The following CSRNP2 variants were observed in gnomAD, a reference collection of about 807,000 sequenced individuals.
CSRNP2 encodes the protein cysteine/serine-rich nuclear protein 2.
CSRNP2 carries 11 observed loss-of-function variants against 36.6 expected under a neutral mutation model. The observed-to-expected ratio is 0.30, with a 90% confidence interval of 0.19 to 0.50. CSRNP2 has a LOEUF of 0.50. Ranked by LOEUF, CSRNP2 falls within the 20% of genes least tolerant of loss-of-function variation. The pLI, the probability that CSRNP2 is intolerant of heterozygous loss-of-function variation, is 0.98. For synonymous variants in CSRNP2, 248 were observed against 275.3 expected (o/e 0.90, Z 0.98); for missense variants, 483 against 691.4 (o/e 0.70, Z 3.38).
Position 51,064,522 on chromosome 12 carries a change from G to C in CSRNP2, c.856C>G (p.Arg286Gly). The C allele has an allele frequency of 6.2e-7, 1 of 1,613,288 alleles. No individual in the cohort carries two copies. The highest frequency in any genetic ancestry group is 1.1e-5 in the South Asian group (1 of 90,966). Reference protein sequence around the residue: ...LELESKRQVSRPAAPDEEPSP... With the variant: ...LELESKRQVSGPAAPDEEPSP... ...GGCTCCTCATCTGGGGCTGCTGGGC[G>C]GCTCACCTGCCGCTTGCTCTCCAGC... The change falls in exon 5 of 5, where the codon CGC becomes GGC. Residue 286 changes from arginine to glycine, a missense_variant. Around this residue, in one of 2 missense-constraint regions of CSRNP2, gnomAD observed 277 missense variants for 323.6 expected, o/e 0.86. Transcript: ENST00000228515.
chr12:51,075,906 C>T (rs990422107), intron 2 of CSRNP2, among the ~76,000 whole-genome samples: 18 of 152,090 alleles, frequency 1.2e-4, no homozygotes, highest in Non-Finnish European at 1.3e-4. Context: ...AAAAATTAGG[C>T]GGGCGTGGTG....
chr12:51,068,884 G>A (rs1202641717), intron 3 of CSRNP2, among the ~76,000 whole-genome samples: 1 of 152,180 alleles, frequency 6.6e-6, no homozygotes, highest in Non-Finnish European at 1.5e-5. Flanking sequence ...ATGCACTAAA[G>A]AGCTTCATTC....
At position 51,063,738 on chromosome 12, in the gene CSRNP2, A is replaced by T; in HGVS notation, c.*8T>A. On this transcript the variant is annotated 3_prime_UTR_variant, in exon 5 of 5. Coordinates refer to ENST00000228515, the MANE Select transcript of CSRNP2 (RefSeq NM_030809.3). ...AGAATGGGTAAGAGGCAGGACCTCTAGCGCCTGTCACACTGCCAGAGGGAG... is the reference window on the plus strand; with the variant it reads ...AGAATGGGTAAGAGGCAGGACCTCTTGCGCCTGTCACACTGCCAGAGGGAG... The T allele has an allele frequency of 6.5e-7, 1 of 1,529,740 alleles. No individual in the cohort carries two copies. 94.8% of individuals were successfully genotyped at this position (1,529,740 alleles called of 1,614,324 possible). A position where few individuals can be genotyped will look rare whatever the true frequency, so the allele number is the denominator to read the frequency against.
chr12:51,066,158 A>G (rs1488629711), intron 4 of CSRNP2, among the ~76,000 whole-genome samples: 3 of 152,046 alleles, frequency 2.0e-5, no homozygotes, highest in Non-Finnish European at 2.9e-5. Context: ...TGTCTCTACT[A>G]AAAATACAAA....
At chr12:51,074,551 T>C (rs1017722436) in intron 2 of CSRNP2, among the ~76,000 whole-genome samples, 23 of 152,154 alleles carry the variant, frequency 1.5e-4, no homozygotes, top group South Asian at 4.1e-4. Flanking sequence ...AAATCCTAAA[T>C]GCTCTGTCAG....
In CSRNP2 at chr12:51,080,542, C is replaced by T. The variant is rs564872633; in HGVS notation, c.-87+2797G>A. 2.0e-4 allele frequency among the ~76,000 whole-genome samples: 31 copies of T among 152,274 alleles called. 1 individual carries two copies. The East Asian group carries it at 5.0e-3, about 25-fold the overall frequency. ...AAGAAAGAAGGAAAAAGATGTGACA[C>T]CTAGGAGAAAAGTATTTTCCTTAAG... On this transcript the variant is annotated intron_variant, in intron 1 of 4. Coordinates refer to ENST00000228515, the MANE Select transcript of CSRNP2 (RefSeq NM_030809.3).
At position 51,067,651 on chromosome 12, in the gene CSRNP2, T is replaced by C; in HGVS notation, c.708+22A>G. On this transcript the variant is annotated intron_variant, in intron 4 of 4. Transcript: ENST00000228515. The surrounding 1 kb of genome is among the most constrained non-coding windows in gnomAD (Gnocchi z 4.1). ...CGCTGACCCTGGTGTAGATATACTA[T>C]CTCAGGCCAACTTGGACTGACCTGG... 1 of 1,607,104 alleles carries C rather than the reference T, an allele frequency of 6.2e-7. No homozygotes were observed. Among genetic ancestry groups the C allele is most frequent in the Non-Finnish European group, 8.5e-7 (1 of 1,175,614 alleles).
At chr12:51,081,821 CA>C (rs1939654355) in intron 1 of CSRNP2, among the ~76,000 whole-genome samples, 2 of 46,772 alleles carry the variant, frequency 4.3e-5, no homozygotes, top group African/African-American at 2.3e-4. Flanking sequence ...ACCACCAAAA[CA>C]AACAAACAAA....
In CSRNP2 at chr12:51,064,534, G is replaced by T; in HGVS notation, c.844C>A (p.Arg282=). Residue 282 remains arginine (R), a synonymous_variant, in exon 5 of 5, where the codon CGG becomes AGG. Coordinates refer to ENST00000228515, the MANE Select transcript of CSRNP2 (RefSeq NM_030809.3). ...GGGGCTGCTGGGCGGCTCACCTGCC[G>T]CTTGCTCTCCAGCTCCAGCTTCATA... ...TIMKLELESK[R]QVSRPAAPDE... 6.2e-7 allele frequency: 1 copy of T among 1,613,386 alleles called. No homozygotes were observed. The highest frequency in any genetic ancestry group is 8.5e-7 in the Non-Finnish European group (1 of 1,179,650).
At chr12:51,064,758 G>A in intron 4 of CSRNP2, 89 bp from the exon 5 acceptor site, 1 of 1,181,246 alleles carries the variant, frequency 8.5e-7, no homozygotes, top group Non-Finnish European at 1.2e-6. Context: ...CAGGCAGTTG[G>A]GATTTGAGGT....
At position 51,076,514 on chromosome 12, in the gene CSRNP2, C is replaced by T. The variant is rs1330016273; in HGVS notation, c.48G>A (p.Val16=). ...AGTTGGAAACTGATGAGCCCACATC[C>T]ACATCATCAAACTTCCTCTTGAGAC... ...GSGLKRKFDD[V]DVGSSVSNSD... is the part of the protein sequence containing the mutation. The change falls in exon 2 of 5, where the codon GTG becomes GTA. Residue 16 remains valine, a synonymous_variant. Transcript: ENST00000228515. 4 of 1,614,086 alleles carry T rather than the reference C, an allele frequency of 2.5e-6. No individual in the cohort carries two copies. The highest frequency in any genetic ancestry group is 3.4e-6 in the Non-Finnish European group (4 of 1,180,032).
chr12:51,082,401 T>C (rs1939678575), intron 1 of CSRNP2: 1 of 152,214 alleles, frequency 6.6e-6, no homozygotes, highest in African/African-American at 2.4e-5. Context: ...TGGAACATGA[T>C]GCTGCATTAA....
chr12:51,064,566 T>G lies in CSRNP2; in HGVS notation c.812A>C (p.His271Pro). 1 of 1,612,468 alleles carries G rather than the reference T, an allele frequency of 6.2e-7. No individual in the cohort carries two copies. Among genetic ancestry groups the G allele is most frequent in the Non-Finnish European group, 8.5e-7 (1 of 1,179,206 alleles). ...NPIRVRTHYL[H>P]TIMKLELESK... ...CTCCAGCTCCAGCTTCATAATGGTGTGGAGGTAATGAGTCCGGACCCGGAT... is the reference window on the plus strand; with the variant it reads ...CTCCAGCTCCAGCTTCATAATGGTGGGGAGGTAATGAGTCCGGACCCGGAT... Residue 271 changes from histidine to proline, a missense_variant, in exon 5 of 5, where the codon CAC becomes CCC. Around this residue, in one of 2 missense-constraint regions of CSRNP2, gnomAD observed 206 missense variants for 367.8 expected, o/e 0.56. Coordinates refer to ENST00000228515, the MANE Select transcript of CSRNP2 (RefSeq NM_030809.3).
At chr12:51,064,796 T>A in intron 4 of CSRNP2, 127 bp from the exon 5 acceptor site, 1 of 676,264 alleles carries the variant, frequency 1.5e-6, no homozygotes, top group Non-Finnish European at 2.3e-6. Flanking sequence ...AGCAACCAAT[T>A]CAAAGCATAG....
intron 2 of CSRNP2, among the ~76,000 whole-genome samples, chr12:51,074,412 T>C (rs1854883452): frequency 6.6e-6 from 1 of 152,164 alleles, no homozygotes; most frequent in African/African-American, 2.4e-5. Context: ...CCACCATGCC[T>C]GGCCGAGAGA....
Position 51,067,889 on chromosome 12 carries a change from C to G in CSRNP2, c.492G>C (p.Val164=). ...LDDVSDEDID[V]ENVEVDDYFF... ...AGTAATCATCCACCTCCACATTTTC[C>G]ACATCAATATCTTCATCTGACACAT... Residue 164 remains valine, a synonymous_variant, in exon 4 of 5, where the codon GTG becomes GTC. Coordinates refer to ENST00000228515, the MANE Select transcript of CSRNP2 (RefSeq NM_030809.3). The surrounding 1 kb of genome is among the most constrained non-coding windows in gnomAD (Gnocchi z 4.1). 1 of 1,614,180 alleles carries G rather than the reference C, an allele frequency of 6.2e-7. No homozygotes were observed.
rs766375416 is a variant in CSRNP2 at position 51,067,859 on chromosome 12, G to A, written c.522C>T (p.Phe174=). The A allele has an allele frequency of 1.9e-6, 3 of 1,614,076 alleles. No homozygotes were observed. In the African/African-American group the frequency reaches 4.0e-5, roughly 22 times the overall value. ...VENVEVDDYF[F]LQPLPTKRRR... ...GCCGTTTGGTGGGCAGAGGCTGCAG[G>A]AAGAAGTAATCATCCACCTCCACAT... The change falls in exon 4 of 5, where the codon TTC becomes TTT. Residue 174 remains phenylalanine (F), a synonymous_variant. Coordinates refer to ENST00000228515, the MANE Select transcript of CSRNP2 (RefSeq NM_030809.3). The surrounding 1 kb of genome is among the most constrained non-coding windows in gnomAD (Gnocchi z 4.1).
chr12:51,064,127 C>T lies in CSRNP2; in HGVS notation c.1251G>A (p.Leu417=), dbSNP rs758784838. The T allele has an allele frequency of 3.4e-5, 55 of 1,614,046 alleles. No homozygotes were observed. The highest frequency in any genetic ancestry group is 4.5e-5 in the Non-Finnish European group (53 of 1,180,048). ...GCCTCTGCTCCACTTGATAATAGAC[C>T]AGGGGCCCACTGTTCAAGTAGGATG... ...NSPSYLNSGP[L]VYYQVEQRPV... is the part of the protein sequence containing the mutation. The change falls in exon 5 of 5, where the codon CTG becomes CTA. Residue 417 remains leucine (L), a synonymous_variant. Transcript: ENST00000228515.
intron 1 of CSRNP2, among the ~76,000 whole-genome samples, chr12:51,079,885 C>T (rs534716169): frequency 2.0e-4 from 30 of 149,766 alleles, no homozygotes; most frequent in African/African-American, 7.3e-4. Flanking sequence ...CCATCCTGGC[C>T]AATATGGTGA....
Sources: allele counts gnomAD v4.1 joint callset (sites outside exome capture counted in the v4.1 genomes callset), GRCh38; gene constraint gnomAD v4.1.1; regional missense constraint gnomAD v4.1.1; non-coding constraint Gnocchi (gnomAD v3.1); transcripts MANE v1.5; gene names NCBI Gene and HGNC (gene_info 2026-07-23, HGNC 2026-07-21).